Variants in MTRF1 observed in about 807,000 individuals in gnomAD.
The protein encoded by MTRF1 is mitochondrial translation release factor 1.
Under a neutral mutation model 62.9 loss-of-function variants are expected in MTRF1, and 51 were observed. The observed-to-expected ratio is 0.81, with a 90% CI of 0.65 to 1.02. The LOEUF is 1.02. Ranked by LOEUF, MTRF1 falls within the 50% of genes least tolerant of loss-of-function variation. The pLI, the probability that MTRF1 is intolerant of heterozygous loss-of-function variation, is 0.00. For synonymous variants in MTRF1, 158 were observed against 181.9 expected (o/e 0.87, Z 1.06); for missense variants, 446 against 530.0 (o/e 0.84, Z 1.56).
intron 5 of MTRF1, among the ~76,000 whole-genome samples, chr13:41,248,635 C>G (rs191026041): frequency 6.6e-6 from 1 of 152,126 alleles, no homozygotes; most frequent in Non-Finnish European, 1.5e-5. Flanking sequence ...TGGGGCTTCC[C>G]GACAAATATG....
chr13:41,226,043 G>A (rs2034365338), intron 8 of MTRF1, among the ~76,000 whole-genome samples: 1 of 151,966 alleles, frequency 6.6e-6, no homozygotes, highest in South Asian at 2.1e-4. Flanking sequence ...GTTTTTTGCA[G>A]TGCCATTTGT....
At chr13:41,231,109 T>C (rs937609679) in intron 7 of MTRF1, among the ~76,000 whole-genome samples, 1 of 152,112 alleles carries the variant, frequency 6.6e-6, no homozygotes, top group African/African-American at 2.4e-5. Context: ...CTAGGTGATA[T>C]ATATAATCCC....
At chr13:41,249,355 C>G (rs2038720179) in intron 5 of MTRF1, among the ~76,000 whole-genome samples, 1 of 152,098 alleles carries the variant, frequency 6.6e-6, no homozygotes, top group Admixed American at 6.6e-5. Context: ...TCCTGGCTAA[C>G]ACAGTGAAAC....
At chr13:41,276,877 T>A in the MTRF1 span, among the ~76,000 whole-genome samples, 1 of 152,122 alleles carries the variant, frequency 6.6e-6, no homozygotes, top group Non-Finnish European at 1.5e-5. Flanking sequence ...CTTTTCAGGC[T>A]TTTTGCATAT....
chr13:41,274,621 T>C, the MTRF1 span, among the ~76,000 whole-genome samples: 2 of 151,934 alleles, frequency 1.3e-5, no homozygotes, highest in East Asian at 3.9e-4. Flanking sequence ...GAATGTTTAC[T>C]CCACGATAAC....
At chr13:41,288,390 G>T in the MTRF1 span, 2 of 199,202 alleles carry the variant, frequency 1.0e-5, no homozygotes, top group Non-Finnish European at 1.0e-5. Flanking sequence ...ATAGAAGCAT[G>T]GTAGGCAGGT....
chr13:41,283,251 C>T, the MTRF1 span, among the ~76,000 whole-genome samples: 1 of 152,164 alleles, frequency 6.6e-6, no homozygotes, highest in African/African-American at 2.4e-5. Context: ...GTGGTTGATC[C>T]TGTATAAACC....
chr13:41,271,720 C>T, the MTRF1 span, among the ~76,000 whole-genome samples: 2 of 152,110 alleles, frequency 1.3e-5, no homozygotes, highest in African/African-American at 4.8e-5. Context: ...CCACAAGACA[C>T]TCTCACAAGG....
the MTRF1 span, among the ~76,000 whole-genome samples, chr13:41,273,117 G>T: frequency 2.6e-5 from 4 of 152,028 alleles, no homozygotes; most frequent in East Asian, 5.8e-4. Context: ...ACGAGGTCAG[G>T]AGATCGAGAC....
chr13:41,301,560 C>T, the MTRF1 span, among the ~76,000 whole-genome samples: 4 of 152,022 alleles, frequency 2.6e-5, no homozygotes, highest in Non-Finnish European at 4.4e-5. Context: ...TCCACCTGGC[C>T]AACAGGGTAA....
At chr13:41,263,304 A>G in intron 1 of MTRF1, 181 bp downstream of exon 1, 2 of 1,289,322 alleles carry the variant, frequency 1.6e-6, no homozygotes, top group Non-Finnish European at 2.0e-6. Context: ...TCCATTACCC[A>G]TCACAGTAAC....
chr13:41,239,092 G>A (rs140985591), intron 6 of MTRF1, among the ~76,000 whole-genome samples: 1 of 151,564 alleles, frequency 6.6e-6, no homozygotes, highest in African/African-American at 2.4e-5. Context: ...AACTTGACAG[G>A]ATCCTGGATA....
chr13:41,231,253 C>T (rs2035505484), intron 7 of MTRF1, among the ~76,000 whole-genome samples: 1 of 152,128 alleles, frequency 6.6e-6, no homozygotes, highest in African/African-American at 2.4e-5. Flanking sequence ...CTGCTAAGTG[C>T]CAGAAAGGCT....
the MTRF1 span, chr13:41,288,070 G>T: frequency 2.3e-6 from 1 of 429,192 alleles, no homozygotes; most frequent in South Asian, 1.8e-5. Flanking sequence ...AGACTCACAA[G>T]GGAGAAGCAT....
At chr13:41,271,082 CA>C in the MTRF1 span, among the ~76,000 whole-genome samples, 7 of 149,944 alleles carry the variant, frequency 4.7e-5, 1 homozygote, top group African/African-American at 1.8e-4. Flanking sequence ...CACACACACA[CA>C]CACACACACC....
At chr13:41,230,407 T>G (rs921523292) in intron 7 of MTRF1, among the ~76,000 whole-genome samples, 4 of 150,646 alleles carry the variant, frequency 2.7e-5, no homozygotes, top group African/African-American at 4.9e-5. Context: ...TGGGATTACA[T>G]GCATGCGCCA....
At chr13:41,226,224 C>T (rs1045165018) in intron 8 of MTRF1, among the ~76,000 whole-genome samples, 2 of 152,196 alleles carry the variant, frequency 1.3e-5, no homozygotes, top group African/African-American at 4.8e-5. Context: ...GTTTATACAT[C>T]TTACATTTAC....
chr13:41,295,156 T>C, the MTRF1 span, among the ~76,000 whole-genome samples: 3 of 152,338 alleles, frequency 2.0e-5, no homozygotes, highest in South Asian at 6.2e-4. Context: ...TCAATGTTTT[T>C]ATCAATTCCT....
intron 5 of MTRF1, among the ~76,000 whole-genome samples, chr13:41,244,780 C>A (rs937751483): frequency 6.6e-6 from 1 of 152,182 alleles, no homozygotes; most frequent in Non-Finnish European, 1.5e-5. Context: ...CCTGACACCC[C>A]AGTCATGTGT....
Sources: gnomAD v4.1 joint callset for allele counts (sites outside exome capture counted in the v4.1 genomes callset) on GRCh38, gnomAD v4.1.1 for gene constraint, MANE v1.5 for transcripts, NCBI Gene and HGNC (gene_info 2026-07-23, HGNC 2026-07-21) for gene names.